Variants in CELSR1 observed in about 807,000 individuals in gnomAD.
The protein encoded by CELSR1 is adhesion G protein-coupled receptor C1.
Under a neutral mutation model 249.1 loss-of-function variants are expected in CELSR1, and 110 were observed. That is an observed-to-expected ratio of 0.44 (90% CI 0.38 to 0.52). The LOEUF (loss-of-function observed/expected upper bound fraction) is 0.52. CELSR1 is among the 20% of genes least tolerant of loss of function. The pLI is 0.00. For missense variants in CELSR1, 4,109 were observed against 4,296.4 expected (o/e 0.96, Z 1.22); for synonymous variants, 2,113 against 1,900.0 (o/e 1.11, Z -2.92).
intron 1 of CELSR1, among the ~76,000 whole-genome samples, chr22:46,528,416 A>G (rs2080759472): frequency 6.6e-6 from 1 of 152,062 alleles, no homozygotes; most frequent in Admixed American, 6.6e-5. Context: ...ATTCTCACCC[A>G]CAAACGCCAC....
At chr22:46,486,750 G>T (rs1384279595) in intron 1 of CELSR1, among the ~76,000 whole-genome samples, 5 of 149,614 alleles carry the variant, frequency 3.3e-5, no homozygotes, top group African/African-American at 1.2e-4. Context: ...GGCTGCAGCA[G>T]GATAATCGCT....
intron 2 of CELSR1, among the ~76,000 whole-genome samples, chr22:46,452,815 C>T (rs1056722037): frequency 2.6e-5 from 4 of 152,238 alleles, no homozygotes; most frequent in Admixed American, 2.0e-4. Flanking sequence ...GACTTCACGC[C>T]GCCCTTGGCC....
In CELSR1 at chr22:46,492,759, G is replaced by A. The variant is rs954363544; in HGVS notation, c.3545-28414C>T. On this transcript the variant is annotated intron_variant, in intron 1 of 34. Transcript: ENST00000674500. ...GAGGCAAGATCCACCGTGCTCGGCC[G>A]AAACCCAGGAGGACAGTAGAGGTTG... 3.9e-5 allele frequency among the ~76,000 whole-genome samples: 6 copies of A among 152,072 alleles called. No homozygotes were observed. In the South Asian group the frequency reaches 8.3e-4, roughly 21 times the overall value.
chr22:46,428,126 A>T lies in CELSR1; in HGVS notation c.4611+5267T>A, dbSNP rs528385248. On this transcript the variant is annotated intron_variant, in intron 5 of 34. Transcript: ENST00000674500. The surrounding 1 kb of genome is among the most constrained non-coding windows in gnomAD (Gnocchi z 5.7). ...CTCAAAGCACTTACATCCTCTGCTCAACAGAAGCAGAGGCCGGTCCTCCGG... is the reference window on the plus strand; with the variant it reads ...CTCAAAGCACTTACATCCTCTGCTCTACAGAAGCAGAGGCCGGTCCTCCGG... Among the ~76,000 whole-genome samples, 1 of 152,342 alleles carries T rather than the reference A, an allele frequency of 6.6e-6. No individual in the cohort carries two copies. The highest frequency in any genetic ancestry group is 1.5e-5 in the Non-Finnish European group (1 of 68,024).
At chr22:46,462,790 G>A (rs5768788) in intron 2 of CELSR1, 212,376 of 351,920 alleles carry the variant, frequency 0.6, 64,856 homozygotes, top group East Asian at 0.81. Flanking sequence ...TTTCTGTACC[G>A]CTCTCGGGGT....
chr22:46,514,673 G>A (rs926470), intron 1 of CELSR1, among the ~76,000 whole-genome samples: 1 of 152,276 alleles, frequency 6.6e-6, no homozygotes, highest in East Asian at 1.9e-4. Context: ...TCAAAGAGAA[G>A]AGTCACTCCC....
At chr22:46,369,924 G>GA in intron 25 of CELSR1, 120 bp from the exon 26 acceptor site, 1 of 840,122 alleles carries the variant, frequency 1.2e-6, no homozygotes, top group Non-Finnish European at 2.0e-6. Context: ...TCAGAGGAAG[G>GA]AGCAAGGAGT....
rs55791681 is a variant in CELSR1, at chr22:46,437,084, T to A, written c.4407-795A>T. Among the ~76,000 whole-genome samples, 22,356 of 152,142 alleles carry A rather than the reference T, an allele frequency of 0.15. 2,275 individuals are homozygous for A. Among genetic ancestry groups the A allele is most frequent in the African/African-American group, 0.28 (11,808 of 41,476 alleles). On this transcript the variant is annotated intron_variant, in intron 3 of 34. Coordinates refer to ENST00000674500, the MANE Select transcript of CELSR1 (RefSeq NM_001378328.1). This position sits in a 1 kb window ranked among gnomAD's most constrained non-coding sequence, Gnocchi z 4.9. ...CAGTGCTTAATATGGGCTGTTTGAA[T>A]AAATGAAAGGAAGAGGCATGAACAG...
In CELSR1 at chr22:46,427,962, G is replaced by T. The variant is rs910905507; in HGVS notation, c.4611+5431C>A. 6.6e-6 allele frequency among the ~76,000 whole-genome samples: 1 copy of T among 152,154 alleles called. No homozygotes were observed. Among genetic ancestry groups the T allele is most frequent in the Non-Finnish European group, 1.5e-5 (1 of 68,038 alleles). On this transcript the variant is annotated intron_variant, in intron 5 of 34. Coordinates refer to ENST00000674500, the MANE Select transcript of CELSR1 (RefSeq NM_001378328.1). This position sits in a 1 kb window ranked among gnomAD's most constrained non-coding sequence, Gnocchi z 4.2. The stretch of plus-strand genomic sequence containing the variant: ...CCCCGACCCCAGGGGTGCTCCGGGG[G>T]TACATCTCCCACTCTCCTTGGGACT...
Position 46,381,719 on chromosome 22 carries a change from G to A in CELSR1, c.7088+127C>T. On this transcript the variant is annotated intron_variant, in intron 21 of 34. Transcript: ENST00000674500. The surrounding 1 kb of genome is among the most constrained non-coding windows in gnomAD (Gnocchi z 6.0). ...CCACAAGGCAATGGTCTCTGTCTCTGGGCCAGGGTCACGGTGAAATGTCAC... is the reference window on the plus strand; with the variant it reads ...CCACAAGGCAATGGTCTCTGTCTCTAGGCCAGGGTCACGGTGAAATGTCAC... The A allele has an allele frequency of 1.1e-6, 1 of 896,710 alleles. No homozygotes were observed. The highest frequency in any genetic ancestry group is 1.7e-5 in the African/African-American group (1 of 59,570). The allele number at this position is 896,710 out of a possible 1,614,324, so 55.5% of individuals were successfully genotyped here. A position where few individuals can be genotyped will look rare whatever the true frequency, so the allele number is the denominator to read the frequency against.
chr22:46,413,180 A>T lies in CELSR1; in HGVS notation c.4612-1421T>A, dbSNP rs943294271. On this transcript the variant is annotated intron_variant, in intron 5 of 34. Transcript: ENST00000674500. The surrounding 1 kb of genome is among the most constrained non-coding windows in gnomAD (Gnocchi z 4.7). ...CCTCAGTGCCTTTTAATAGGAAAATAACAACCACATAGTTCATTCAAAAAT... is the reference window on the plus strand; with the variant it reads ...CCTCAGTGCCTTTTAATAGGAAAATTACAACCACATAGTTCATTCAAAAAT... 1.3e-5 allele frequency among the ~76,000 whole-genome samples: 2 copies of T among 152,282 alleles called. No homozygotes were observed. Among genetic ancestry groups the T allele is most frequent in the Non-Finnish European group, 2.9e-5 (2 of 68,052 alleles).
chr22:46,437,954 G>C lies in CELSR1; in HGVS notation c.4406+1235C>G, dbSNP rs566640882. 2.0e-5 allele frequency among the ~76,000 whole-genome samples: 3 copies of C among 152,220 alleles called. No homozygotes were observed. Among genetic ancestry groups the C allele is most frequent in the African/African-American group, 7.2e-5 (3 of 41,538 alleles). On this transcript the variant is annotated intron_variant, in intron 3 of 34. Transcript: ENST00000674500. This position sits in a 1 kb window ranked among gnomAD's most constrained non-coding sequence, Gnocchi z 4.9. ...CTTGTTTCCTGAGACTCAGCCCCTG[G>C]GTCATACCTGATTGCCTTTGGTGGG... is the stretch of plus-strand genomic sequence containing the variant.
At chr22:46,394,905 C>A (rs556196658) in intron 13 of CELSR1, among the ~76,000 whole-genome samples, 9 of 152,346 alleles carry the variant, frequency 5.9e-5, no homozygotes, top group African/African-American at 2.2e-4. Context: ...CTCCGAGGTG[C>A]TGGCCGCTGC....
chr22:46,371,465 CA>C (rs1028857028), intron 25 of CELSR1, among the ~76,000 whole-genome samples: 10 of 152,150 alleles, frequency 6.6e-5, no homozygotes, highest in African/African-American at 2.4e-4. Flanking sequence ...GGGAGCAAAC[CA>C]ACTTTCTGAT....
In CELSR1 at chr22:46,535,945, AC is replaced by A; in HGVS notation, c.1225del (p.Val409Ter). 1 of 1,609,924 alleles carries A rather than the reference AC, an allele frequency of 6.2e-7. No homozygotes were observed. On this transcript the variant is annotated frameshift_variant, in exon 1 of 35. Transcript: ENST00000674500. LOFTEE classifies it high-confidence loss of function. ...VFQLNESSGV[V>X]STRAVLDREE... ...CCGGTCCAGCACCGCCCGTGTGCTC[AC>A]CACGCCAGAGCTCTCGTTGAGCTGG... is the stretch of plus-strand genomic sequence containing the variant.
At chr22:46,400,733 C>A (rs896019642) in intron 9 of CELSR1, among the ~76,000 whole-genome samples, 6 of 152,162 alleles carry the variant, frequency 3.9e-5, no homozygotes, top group African/African-American at 1.4e-4. Flanking sequence ...GGGTGGATTG[C>A]TTGAGGCCAG....
At chr22:46,460,216 C>CACACCCCCCCCCACA in intron 2 of CELSR1, among the ~76,000 whole-genome samples, 2 of 151,648 alleles carry the variant, frequency 1.3e-5, no homozygotes, top group African/African-American at 4.9e-5. Context: ...CACACACACA[C>CACACCCCCCCCCACA]CCATTAGCTA....
chr22:46,369,277 G>T lies in CELSR1; in HGVS notation c.7873-19C>A. On this transcript the variant is annotated intron_variant, in intron 26 of 34. Coordinates refer to ENST00000674500, the MANE Select transcript of CELSR1 (RefSeq NM_001378328.1). ...TGTTGATCTGAAAACAAAACAAGCC[G>T]ATCAATGTCTTCTCTCTCGTCACTG... The T allele has an allele frequency of 1.8e-6, 1 of 568,062 alleles. No individual in the cohort carries two copies. Among genetic ancestry groups the T allele is most frequent in the South Asian group, 2.3e-5 (1 of 43,150 alleles). The allele number at this position is 568,062 out of a possible 1,614,324, so 35.2% of individuals were successfully genotyped here. A position where few individuals can be genotyped will look rare whatever the true frequency, so the allele number is the denominator to read the frequency against.
At chr22:46,462,229 A>G (rs2080037636) in intron 2 of CELSR1, among the ~76,000 whole-genome samples, 1 of 152,250 alleles carries the variant, frequency 6.6e-6, no homozygotes. Context: ...AGACAGCCAC[A>G]GACTAGCAGG....
Sources: allele counts gnomAD v4.1 joint callset (sites outside exome capture counted in the v4.1 genomes callset), GRCh38; gene constraint gnomAD v4.1.1; non-coding constraint Gnocchi (gnomAD v3.1); transcripts MANE v1.5; gene names NCBI Gene and HGNC (gene_info 2026-07-23, HGNC 2026-07-21).